The following MORC3 variants were observed in gnomAD, a reference collection of about 807,000 sequenced individuals.
The protein encoded by MORC3 is MORC family CW-type zinc finger protein 3.
Under a neutral mutation model 109.1 loss-of-function variants are expected in MORC3, and 31 were observed. That is an observed-to-expected ratio of 0.28 (90% confidence interval 0.21 to 0.38). The LOEUF is 0.38. Ranked by LOEUF, MORC3 falls within the 10% of genes least tolerant of loss-of-function variation. The pLI is 1.00. For missense variants in MORC3, 867 were observed against 1,135.8 expected (o/e 0.76, Z 3.40); for synonymous variants, 395 against 380.7 (o/e 1.04, Z -0.44).
rs749670707 is a variant in MORC3, at chr21:36,336,854, T to G, written c.113-20T>G. On this transcript the variant is annotated intron_variant, in intron 2 of 16. Coordinates refer to ENST00000400485, the MANE Select transcript of MORC3 (RefSeq NM_015358.3). The stretch of plus-strand genomic sequence containing the variant: ...TTTTAAAGTGTAAAATCAGAATTTC[T>G]TCAAACTTGTGTTTCCCAGATAATG... The G allele has an allele frequency of 1.9e-6, 3 of 1,585,804 alleles. No homozygotes were observed. The highest frequency in any genetic ancestry group is 2.6e-6 in the Non-Finnish European group (3 of 1,166,158).
chr21:36,328,360 T>A lies in MORC3; in HGVS notation c.40-5286T>A, dbSNP rs1345510239. Among the ~76,000 whole-genome samples the A allele has an allele frequency of 2.0e-5, 3 of 147,618 alleles. No homozygotes were observed. In the Admixed American group the frequency reaches 2.0e-4, roughly 10 times the overall value. On this transcript the variant is annotated intron_variant, in intron 1 of 16. Coordinates refer to ENST00000400485, the MANE Select transcript of MORC3 (RefSeq NM_015358.3). ...CCCCCGCCTTTTTTTTTTTTTTTTTTAACCACACCTTAGTTCATGCTCCCT... is the reference window on the plus strand; with the variant it reads ...CCCCCGCCTTTTTTTTTTTTTTTTTAAACCACACCTTAGTTCATGCTCCCT...
At position 36,369,003 on chromosome 21, in the gene MORC3, T is replaced by C; in HGVS notation, c.1635T>C (p.Leu545=). ...EPESNSLKRR[L]STRSSILNAK... The stretch of plus-strand genomic sequence containing the variant: ...TTTTTTTCAGCTTGAAACGGAGACT[T>C]TCTACTCGTTCCTCAATTTTGAATG... The change falls in exon 15 of 17, where the codon CTT becomes CTC. Residue 545 remains leucine, a synonymous_variant. Coordinates refer to ENST00000400485, the MANE Select transcript of MORC3 (RefSeq NM_015358.3). 1.2e-6 allele frequency: 2 copies of C among 1,609,236 alleles called. No individual in the cohort carries two copies. The highest frequency in any genetic ancestry group is 1.7e-6 in the Non-Finnish European group (2 of 1,177,058).
At chr21:36,352,842 C>T (rs2146318864) in intron 9 of MORC3, among the ~76,000 whole-genome samples, 1 of 152,042 alleles carries the variant, frequency 6.6e-6, no homozygotes, top group South Asian at 2.1e-4. Flanking sequence ...TGGTGGCACA[C>T]ATCTGTAGTC....
At chr21:36,323,967 C>T (rs1397377417) in intron 1 of MORC3, among the ~76,000 whole-genome samples, 1 of 151,990 alleles carries the variant, frequency 6.6e-6, no homozygotes, top group Non-Finnish European at 1.5e-5. Flanking sequence ...CCCCTGCCTC[C>T]CGGGTTCAAG....
chr21:36,340,277 C>CACAA, intron 5 of MORC3, among the ~76,000 whole-genome samples: 1 of 90,212 alleles, frequency 1.1e-5, no homozygotes. Flanking sequence ...GACTCTGTCT[C>CACAA]AAAAAAAAAA....
intron 1 of MORC3, among the ~76,000 whole-genome samples, chr21:36,329,259 C>T (rs1392478196): frequency 3.3e-5 from 5 of 151,636 alleles, no homozygotes; most frequent in Admixed American, 3.3e-4. Context: ...TATGTCATTG[C>T]ACTCCAGCCT....
rs2146300822 is a variant in MORC3 at position 36,338,762 on chromosome 21, C to T, written c.461-12C>T. On this transcript the variant is annotated splice_polypyrimidine_tract_variant and intron_variant, in intron 4 of 16. Coordinates refer to ENST00000400485, the MANE Select transcript of MORC3 (RefSeq NM_015358.3). ...CTATGTTGTCAATCTGAGTCTTTAACTTATGATATACGACAGATGATTAAT... is the reference window on the plus strand; with the variant it reads ...CTATGTTGTCAATCTGAGTCTTTAATTTATGATATACGACAGATGATTAAT... 6.3e-7 allele frequency: 1 copy of T among 1,599,488 alleles called. No homozygotes were observed. Among genetic ancestry groups the T allele is most frequent in the Non-Finnish European group, 8.5e-7 (1 of 1,169,674 alleles).
chr21:36,372,930 T>C (rs999110174), intron 16 of MORC3, among the ~76,000 whole-genome samples: 2 of 152,248 alleles, frequency 1.3e-5, no homozygotes, highest in Middle Eastern at 3.2e-3. Flanking sequence ...CTTGGTACCA[T>C]GTCTTTATGG....
chr21:36,364,584 GGAGGCTGAGGCT>G (rs200196637), intron 14 of MORC3, among the ~76,000 whole-genome samples: 6 of 151,580 alleles, frequency 4.0e-5, no homozygotes, highest in African/African-American at 7.3e-5. Context: ...CTCCAGAGGC[GGAGGCTGAGGCT>G]GAGGCTGAGG....
intron 10 of MORC3, among the ~76,000 whole-genome samples, chr21:36,359,029 A>G (rs950242013): frequency 6.6e-6 from 1 of 152,152 alleles, no homozygotes; most frequent in Admixed American, 6.6e-5. Context: ...CTAAAAGTAT[A>G]CTAATTTTAG....
At chr21:36,349,789 G>A (rs780888066) in intron 9 of MORC3, among the ~76,000 whole-genome samples, 1 of 152,202 alleles carries the variant, frequency 6.6e-6, no homozygotes, top group Non-Finnish European at 1.5e-5. Flanking sequence ...CTATAGACGT[G>A]GTCTCTGGTT....
At chr21:36,354,119 T>G (rs1428645273) in intron 9 of MORC3, among the ~76,000 whole-genome samples, 1 of 151,734 alleles carries the variant, frequency 6.6e-6, no homozygotes, top group Non-Finnish European at 1.5e-5. Context: ...AGAGAAAATA[T>G]ATGTACTGTT....
chr21:36,365,625 A>C (rs1291140715), intron 14 of MORC3, among the ~76,000 whole-genome samples: 1 of 152,122 alleles, frequency 6.6e-6, no homozygotes, highest in Admixed American at 6.6e-5. Context: ...TTTGTTGCCC[A>C]AGCTGGAGTG....
In MORC3 at chr21:36,369,707, T is replaced by C. The variant is rs1434793592; in HGVS notation, c.2339T>C (p.Ile780Thr). The change falls in exon 15 of 17, where the codon ATA (isoleucine) becomes ACA (threonine). Residue 780 changes from isoleucine to threonine, a missense_variant. Ile to Thr is a moderately conservative substitution (Grantham distance 89). Around this residue, in one of 7 missense-constraint regions of MORC3, gnomAD observed 486 missense variants for 502.1 expected, o/e 0.97. Coordinates refer to ENST00000400485, the MANE Select transcript of MORC3 (RefSeq NM_015358.3). ...CAGTATCAGCAAGCTTTGGAAGAAA[T>C]AGAAAGGCTGAAAAAACAATGTAGT... ...VSQYQQALEE[I>T]ERLKKQCSAL... 4 of 1,613,944 alleles carry C rather than the reference T, an allele frequency of 2.5e-6. No individual in the cohort carries two copies. Among genetic ancestry groups the C allele is most frequent in the African/African-American group, 2.7e-5 (2 of 74,890 alleles).
Position 36,336,057 on chromosome 21 carries a change from C to T in MORC3, c.113-817C>T, listed in dbSNP as rs571805961. On this transcript the variant is annotated intron_variant, in intron 2 of 16. Transcript: ENST00000400485. ...TCTCCTGCCTCAGCCTCCTGAGTAG[C>T]TGGGATTATAGGTGCCCGCCACCAT... Among the ~76,000 whole-genome samples, 11 of 151,564 alleles carry T rather than the reference C, an allele frequency of 7.3e-5. No individual in the cohort carries two copies. The East Asian group carries it at 2.0e-3, about 27-fold the overall frequency.
chr21:36,325,476 C>G (rs1368507418), intron 1 of MORC3, among the ~76,000 whole-genome samples: 1 of 152,200 alleles, frequency 6.6e-6, no homozygotes, highest in Non-Finnish European at 1.5e-5. Flanking sequence ...ACACATGTAG[C>G]AAACAATTTA....
chr21:36,348,797 G>C (rs945992630), intron 8 of MORC3, among the ~76,000 whole-genome samples: 1 of 152,154 alleles, frequency 6.6e-6, no homozygotes, highest in Admixed American at 6.5e-5. Flanking sequence ...TTTGAGGAAG[G>C]CTCTAGTGTA....
At chr21:36,325,637 C>T (rs1346401817) in intron 1 of MORC3, among the ~76,000 whole-genome samples, 1 of 152,228 alleles carries the variant, frequency 6.6e-6, no homozygotes, top group Non-Finnish European at 1.5e-5. Context: ...CACTATTCTA[C>T]TTTCTGTCTA....
chr21:36,354,323 C>CTTTT (rs144208712), intron 9 of MORC3, among the ~76,000 whole-genome samples: 187 of 113,620 alleles, frequency 1.6e-3, no homozygotes, highest in East Asian at 2.3e-3. Flanking sequence ...TTCTTTCTTT[C>CTTTT]TTTTTTTTTT....
Sources: gnomAD v4.1 joint callset for allele counts (sites outside exome capture counted in the v4.1 genomes callset) on GRCh38, gnomAD v4.1.1 for gene constraint, gnomAD v4.1.1 regional missense constraint, MANE v1.5 for transcripts, NCBI Gene and HGNC (gene_info 2026-07-23, HGNC 2026-07-21) for gene names.